The following LHFPL6 variants were observed in gnomAD, a reference collection of about 807,000 sequenced individuals.
LHFPL6 encodes LHFPL tetraspan subfamily member 6.
In LHFPL6, 9 loss-of-function variants were observed where a neutral mutation model predicts 20.6. The observed-to-expected ratio is 0.44, with a 90% CI of 0.26 to 0.76. The LOEUF is 0.76. Ranked by LOEUF, LHFPL6 falls within the 30% of genes least tolerant of loss-of-function variation. LHFPL6 has a pLI of 0.20. For missense variants in LHFPL6, 218 were observed against 253.5 expected (o/e 0.86, Z 0.95); for synonymous variants, 105 against 98.7 (o/e 1.06, Z -0.38).
chr13:39,591,044 C>G (rs191439612), intron 2 of LHFPL6, among the ~76,000 whole-genome samples: 1 of 152,040 alleles, frequency 6.6e-6, no homozygotes, highest in African/African-American at 2.4e-5. Flanking sequence ...ATAATTCTAG[C>G]GAAAAAGTGT....
rs1872915995 is a variant in LHFPL6, at chr13:39,600,860, T to C, written c.357A>G (p.Arg119=). Residue 119 remains arginine (R), a synonymous_variant, in exon 2 of 4, where the codon AGA becomes AGG. Coordinates refer to ENST00000379589, the MANE Select transcript of LHFPL6 (RefSeq NM_005780.3). ...VSDLISRTVG[R]VAGGIQFLGG... ...CAAGAAACTGAATTCCTCCAGCCAC[T>C]CTTCCCACTGTCCTGGAGATGAGGT... The C allele has an allele frequency of 1.3e-6, 2 of 1,495,892 alleles. No individual in the cohort carries two copies. Among genetic ancestry groups the C allele is most frequent in the Non-Finnish European group, 1.8e-6 (2 of 1,118,746 alleles). The allele number at this position is 1,495,892 out of a possible 1,614,324, so 92.7% of individuals were successfully genotyped here. A position where few individuals can be genotyped will look rare whatever the true frequency, so the allele number is the denominator to read the frequency against.
intron 2 of LHFPL6, among the ~76,000 whole-genome samples, chr13:39,440,985 TC>T (rs1345858948): frequency 6.6e-6 from 1 of 151,344 alleles, no homozygotes; most frequent in South Asian, 2.1e-4. Context: ...TTGTGAGGCC[TC>T]CCCCCCAGCC....
chr13:39,464,448 T>C, intron 2 of LHFPL6, among the ~76,000 whole-genome samples: 1 of 152,126 alleles, frequency 6.6e-6, no homozygotes, highest in Non-Finnish European at 1.5e-5. Flanking sequence ...ATAAAATGAA[T>C]AGTTACTAAA....
chr13:39,359,094 G>A (rs1275084903), intron 3 of LHFPL6, among the ~76,000 whole-genome samples: 2 of 150,596 alleles, frequency 1.3e-5, no homozygotes, highest in Admixed American at 6.6e-5. Context: ...CCCGGGAGGC[G>A]GATGTTTCAG....
intron 2 of LHFPL6, among the ~76,000 whole-genome samples, chr13:39,438,589 C>G (rs1872026248): frequency 6.6e-6 from 1 of 152,146 alleles, no homozygotes; most frequent in African/African-American, 2.4e-5. Context: ...TCAAGGAAGC[C>G]CCTCCTATCA....
intron 2 of LHFPL6, among the ~76,000 whole-genome samples, chr13:39,537,140 G>T: frequency 6.6e-6 from 1 of 152,134 alleles, no homozygotes; most frequent in East Asian, 1.9e-4. Flanking sequence ...GTGTCTTCCT[G>T]CCTTTCACTC....
intron 2 of LHFPL6, among the ~76,000 whole-genome samples, chr13:39,445,715 A>T (rs1242909492): frequency 6.6e-6 from 1 of 152,224 alleles, no homozygotes; most frequent in African/African-American, 2.4e-5. Context: ...AAAACAAACA[A>T]AAAACAGTGG....
intron 2 of LHFPL6, among the ~76,000 whole-genome samples, chr13:39,485,554 G>T (rs114399789): frequency 0.016 from 2,384 of 152,228 alleles, 61 homozygotes; most frequent in African/African-American, 0.054. Context: ...TGCAAGACTA[G>T]AGAAGAAAAC....
chr13:39,510,394 C>T (rs1367168490), intron 2 of LHFPL6, among the ~76,000 whole-genome samples: 2 of 152,194 alleles, frequency 1.3e-5, no homozygotes, highest in African/African-American at 2.4e-5. Flanking sequence ...ACTGAGGTGG[C>T]GATGTCTGTA....
At chr13:39,572,578 C>A (rs555377893) in intron 2 of LHFPL6, among the ~76,000 whole-genome samples, 1 of 152,302 alleles carries the variant, frequency 6.6e-6, no homozygotes, top group East Asian at 1.9e-4. Flanking sequence ...ACACCACAGT[C>A]CAATTTTCTA....
At chr13:39,559,369 G>C (rs1264878735) in intron 2 of LHFPL6, among the ~76,000 whole-genome samples, 1 of 152,210 alleles carries the variant, frequency 6.6e-6, no homozygotes, top group African/African-American at 2.4e-5. Flanking sequence ...TAATGAACAG[G>C]AAGCATGATG....
At chr13:39,464,538 A>G (rs1339524815) in intron 2 of LHFPL6, among the ~76,000 whole-genome samples, 2 of 152,232 alleles carry the variant, frequency 1.3e-5, no homozygotes, top group African/African-American at 4.8e-5. Context: ...ATATTTTAAT[A>G]CCAGTCCACT....
intron 3 of LHFPL6, among the ~76,000 whole-genome samples, chr13:39,345,537 A>AAAG (rs1555257160): frequency 1.2e-3 from 172 of 146,414 alleles, no homozygotes; most frequent in African/African-American, 4.2e-3. Context: ...AAAAAAAAAA[A>AAAG]AAAGAAAGAA....
In LHFPL6 at chr13:39,352,825, A is replaced by ATATATATATGTGTATATATATATAAATG. The variant is rs1869603336; in HGVS notation, c.485-8799_485-8772dup. ...CAGTAGAAAGAGGGAAAACATTTAT[A>ATATATATATGTGTATATATATATAAATG]TATATATATGTGTATATATATATAA... On this transcript the variant is annotated intron_variant, in intron 3 of 3. Coordinates refer to ENST00000379589, the MANE Select transcript of LHFPL6 (RefSeq NM_005780.3). Among the ~76,000 whole-genome samples, 75 of 77,158 alleles carry ATATATATATGTGTATATATATATAAATG rather than the reference A, an allele frequency of 9.7e-4. 10 individuals carry two copies. Among genetic ancestry groups the ATATATATATGTGTATATATATATAAATG allele is most frequent in the African/African-American group, 3.0e-3 (70 of 23,506 alleles). The allele number at this position is 77,158 out of a possible 152,430, so 50.6% of individuals were successfully genotyped here. A position where few individuals can be genotyped will look rare whatever the true frequency, so the allele number is the denominator to read the frequency against.
intron 2 of LHFPL6, among the ~76,000 whole-genome samples, chr13:39,544,786 A>G (rs1870923727): frequency 6.6e-6 from 1 of 152,134 alleles, no homozygotes; most frequent in African/African-American, 2.4e-5. Flanking sequence ...GATGGCAAAA[A>G]CTGTTACAGT....
At chr13:39,421,463 T>TA (rs1255709656) in intron 2 of LHFPL6, among the ~76,000 whole-genome samples, 1 of 152,002 alleles carries the variant, frequency 6.6e-6, no homozygotes, top group Non-Finnish European at 1.5e-5. Flanking sequence ...ATAAAAAAAT[T>TA]AAAAAAAATT....
intron 2 of LHFPL6, among the ~76,000 whole-genome samples, chr13:39,541,889 AC>A (rs1017411693): frequency 2.6e-5 from 4 of 151,726 alleles, no homozygotes; most frequent in African/African-American, 7.3e-5. Context: ...GGAGATCGAG[AC>A]CATCCTGGCT....
chr13:39,413,421 G>A (rs1033059321), intron 2 of LHFPL6, among the ~76,000 whole-genome samples: 3 of 135,744 alleles, frequency 2.2e-5, no homozygotes, highest in African/African-American at 5.4e-5. Flanking sequence ...TGTCAAACCC[G>A]AAACTACTCA....
intron 2 of LHFPL6, among the ~76,000 whole-genome samples, chr13:39,510,519 G>A (rs1026273766): frequency 1.3e-5 from 2 of 152,178 alleles, no homozygotes; most frequent in Non-Finnish European, 2.9e-5. Flanking sequence ...ATTGTGGGGT[G>A]GGGATAGCAG....
Sources: gnomAD v4.1 joint callset for allele counts (sites outside exome capture counted in the v4.1 genomes callset) on GRCh38, gnomAD v4.1.1 for gene constraint, MANE v1.5 for transcripts, NCBI Gene and HGNC (gene_info 2026-07-23, HGNC 2026-07-21) for gene names.